Variants in APBB2 observed in about 807,000 individuals in gnomAD.
APBB2 encodes the protein Fe65-like 1.
In APBB2, 38 loss-of-function variants were observed where a neutral mutation model predicts 82.5. The observed-to-expected ratio is 0.46, with a 90% confidence interval of 0.36 to 0.60. The LOEUF (loss-of-function observed/expected upper bound fraction) is 0.60. APBB2 is among the 20% of genes least tolerant of loss of function. The probability of loss-of-function intolerance (pLI) is 0.00; values close to 1 mark genes in which losing one functional copy is unlikely to be tolerated. For synonymous variants in APBB2, 341 were observed against 368.2 expected (o/e 0.93, Z 0.85); for missense variants, 772 against 972.3 (o/e 0.79, Z 2.74).
At chr4:40,928,503 A>T (rs1489045043) in intron 10 of APBB2, among the ~76,000 whole-genome samples, 4 of 152,052 alleles carry the variant, frequency 2.6e-5, no homozygotes, top group African/African-American at 9.7e-5. Context: ...CGATTGAACC[A>T]GGAGGCAGAG....
intron 12 of APBB2, among the ~76,000 whole-genome samples, chr4:40,851,826 C>T (rs1351187043): frequency 1.4e-5 from 2 of 146,924 alleles, no homozygotes; most frequent in African/African-American, 5.1e-5. Flanking sequence ...CTTTCAAGTT[C>T]ACAATTCTGC....
chr4:41,032,778 CTT>C (rs11421268), intron 5 of APBB2, among the ~76,000 whole-genome samples: 6 of 84,318 alleles, frequency 7.1e-5, no homozygotes, highest in Non-Finnish European at 1.2e-4. Flanking sequence ...ATTTTTCTTT[CTT>C]TTTTTTTTTT....
chr4:41,146,650 G>A (rs1223275613), intron 1 of APBB2, among the ~76,000 whole-genome samples: 7 of 151,788 alleles, frequency 4.6e-5, no homozygotes, highest in Non-Finnish European at 1.0e-4. Context: ...TCCACTTTTT[G>A]TGTTACATCT....
At chr4:40,829,656 A>C (rs1299921963) in intron 13 of APBB2, among the ~76,000 whole-genome samples, 1 of 148,946 alleles carries the variant, frequency 6.7e-6, no homozygotes, top group Non-Finnish European at 1.5e-5. Context: ...AAAGCAAGAG[A>C]CTCCATCTGT....
At chr4:41,156,837 G>A (rs1388467905) in intron 1 of APBB2, among the ~76,000 whole-genome samples, 1 of 152,164 alleles carries the variant, frequency 6.6e-6, no homozygotes, top group African/African-American at 2.4e-5. Context: ...AGGCCAAGAC[G>A]GATGAATCAT....
rs1369898913 is a variant in APBB2, at chr4:40,890,437, T to C, written c.1456A>G (p.Met486Val). The change falls in exon 12 of 18, where the codon ATG becomes GTG. Residue 486 changes from methionine to valine, a missense_variant. By Grantham distance (21) the Met-to-Val change is conservative (BLOSUM62 1). Transcript: ENST00000508593. ...ENDMLSLVDP[M>V]DRSVLHSQPI... is the part of the protein sequence containing the mutation. ...TGCGAGTGCAGCACGCTGCGGTCCA[T>C]GGGGTCCACCAGGCTGAGCATGTCA... 3 of 1,614,126 alleles carry C rather than the reference T, an allele frequency of 1.9e-6. No individual in the cohort carries two copies. The highest frequency in any genetic ancestry group is 1.3e-5 in the African/African-American group (1 of 75,048).
intron 1 of APBB2, among the ~76,000 whole-genome samples, chr4:41,145,564 A>T (rs1760487040): frequency 1.3e-5 from 2 of 152,334 alleles, no homozygotes; most frequent in Middle Eastern, 3.4e-3. Context: ...ATCCTAGGCT[A>T]AAAAAGACAC....
At chr4:41,170,580 A>G (rs1212356781) in intron 1 of APBB2, among the ~76,000 whole-genome samples, 1 of 152,254 alleles carries the variant, frequency 6.6e-6, no homozygotes, top group East Asian at 1.9e-4. Context: ...TACTCTTCAG[A>G]AAAGTCAAGG....
intron 3 of APBB2, among the ~76,000 whole-genome samples, chr4:41,095,968 G>A (rs1272134960): frequency 6.6e-6 from 1 of 152,060 alleles, no homozygotes; most frequent in Admixed American, 6.6e-5. Context: ...TGTTCTCCAC[G>A]CTCCATACCC....
At chr4:40,836,851 T>C (rs889417638) in intron 12 of APBB2, among the ~76,000 whole-genome samples, 6 of 152,224 alleles carry the variant, frequency 3.9e-5, no homozygotes, top group Non-Finnish European at 7.3e-5. Context: ...TTCTGTTTTT[T>C]ACTCTTCTCC....
intron 6 of APBB2, among the ~76,000 whole-genome samples, chr4:41,002,561 G>A (rs1403488534): frequency 2.0e-5 from 3 of 152,218 alleles, no homozygotes. Flanking sequence ...GGAGCAGGGG[G>A]CTGCAAGCTC....
chr4:41,086,940 ACACACACAC>A (rs1560716077), intron 3 of APBB2, among the ~76,000 whole-genome samples: 4 of 150,880 alleles, frequency 2.7e-5, no homozygotes, highest in African/African-American at 9.7e-5. Flanking sequence ...ACACACACAC[ACACACACAC>A]AAAAAACCTG....
At chr4:40,845,601 A>AAAAAAAAAAAC in intron 12 of APBB2, among the ~76,000 whole-genome samples, 1 of 149,444 alleles carries the variant, frequency 6.7e-6, no homozygotes, top group Non-Finnish European at 1.5e-5. Flanking sequence ...AAAAAAAAAA[A>AAAAAAAAAAAC]AAAAAAAAAA....
chr4:40,919,951 T>A (rs1780832782), intron 10 of APBB2, among the ~76,000 whole-genome samples: 1 of 152,178 alleles, frequency 6.6e-6, no homozygotes, highest in African/African-American at 2.4e-5. Flanking sequence ...TCCTGCTTCA[T>A]CATCTTTCCA....
intron 6 of APBB2, among the ~76,000 whole-genome samples, chr4:40,984,667 A>G (rs1210006659): frequency 6.6e-6 from 1 of 152,184 alleles, no homozygotes; most frequent in Non-Finnish European, 1.5e-5. Context: ...AACAGCTAAC[A>G]AGTAGCAAAG....
Position 40,890,256 on chromosome 4 carries a change from G to A in APBB2, c.1529+108C>T, listed in dbSNP as rs900536491. ...TCATTTTTCACATTTCTATATAGAAGCTACATGAGTTTCGTATTCCGTGAA... is the reference window on the plus strand; with the variant it reads ...TCATTTTTCACATTTCTATATAGAAACTACATGAGTTTCGTATTCCGTGAA... On this transcript the variant is annotated intron_variant, in intron 12 of 17. Transcript: ENST00000508593. 1.5e-5 allele frequency: 21 copies of A among 1,407,190 alleles called. No homozygotes were observed. In the Admixed American group the frequency reaches 2.0e-4, roughly 13 times the overall value. The allele number at this position is 1,407,190 out of a possible 1,614,324, so 87.2% of individuals were successfully genotyped here.
rs61532786 is a variant in APBB2 at position 40,934,740 on chromosome 4, A to G, written c.1108-41T>C. 10,827 of 1,399,404 alleles carry G rather than the reference A, an allele frequency of 7.7e-3. 687 individuals carry two copies. In the African/African-American group the frequency reaches 0.13, roughly 17 times the overall value. The allele number at this position is 1,399,404 out of a possible 1,614,324, so 86.7% of individuals were successfully genotyped here. A position where few individuals can be genotyped will look rare whatever the true frequency, so the allele number is the denominator to read the frequency against. ...ACCTTGTTAATGTACAATGGGGGAGAAGACCATTCATTGCCTCAAATATCA... is the reference window on the plus strand; with the variant it reads ...ACCTTGTTAATGTACAATGGGGGAGGAGACCATTCATTGCCTCAAATATCA... On this transcript the variant is annotated intron_variant, in intron 8 of 17. Transcript: ENST00000508593.
chr4:41,020,680 T>C lies in APBB2; in HGVS notation c.20-6282A>G, dbSNP rs60248195. On this transcript the variant is annotated intron_variant, in intron 5 of 17. Transcript: ENST00000508593. ...AAACTTACAACGTTTTCAACAAAAG[T>C]AAAGTTTGCTAAAAGTTAACAGTGT... 9.2e-5 allele frequency among the ~76,000 whole-genome samples: 14 copies of C among 152,316 alleles called. No individual in the cohort carries two copies. In the East Asian group the frequency reaches 2.7e-3, roughly 29 times the overall value.
intron 6 of APBB2, among the ~76,000 whole-genome samples, chr4:40,948,879 G>T (rs1578670113): frequency 9.6e-6 from 1 of 103,854 alleles, no homozygotes; most frequent in East Asian, 2.8e-4. Flanking sequence ...ACAGAAGTGA[G>T]ATCCTGTCTC....
Sources: allele counts gnomAD v4.1 joint callset (sites outside exome capture counted in the v4.1 genomes callset), GRCh38; gene constraint gnomAD v4.1.1; transcripts MANE v1.5; gene names NCBI Gene and HGNC (gene_info 2026-07-23, HGNC 2026-07-21).